The following SLC25A33 variants were observed in gnomAD, a reference collection of about 807,000 sequenced individuals.
SLC25A33 encodes bone marrow stromal cell mitochondrial carrier protein.
Under a neutral mutation model 35.5 loss-of-function variants are expected in SLC25A33, and 15 were observed. The ratio of observed to expected loss-of-function variants is 0.42; its 90% CI spans 0.28 to 0.65. The LOEUF is 0.65. SLC25A33 is among the 30% of genes least tolerant of loss of function. The pLI, the probability that SLC25A33 is intolerant of heterozygous loss-of-function variation, is 0.20. For missense variants in SLC25A33, 257 were observed against 398.5 expected, an observed-to-expected ratio of 0.64 and a Z score of 3.02; for synonymous variants, 136 against 148.7, an observed-to-expected ratio of 0.91 and a Z score of 0.62.
chr1:9,557,274 T>A (rs555560926), intron 2 of SLC25A33, among the ~76,000 whole-genome samples: 2 of 152,228 alleles, frequency 1.3e-5, no homozygotes, highest in Non-Finnish European at 2.9e-5. Context: ...CATCAAAATA[T>A]AAACAATGGC....
At chr1:9,553,601 T>G (rs755313850) in intron 1 of SLC25A33, 25 bp from the exon 2 acceptor site, 12 of 1,611,300 alleles carry the variant, frequency 7.4e-6, no homozygotes, top group Non-Finnish European at 1.0e-5. Context: ...ATAGCTTCTC[T>G]GATCTGCTTT....
At chr1:9,551,229 A>C (rs1643262701) in intron 1 of SLC25A33, among the ~76,000 whole-genome samples, 1 of 151,916 alleles carries the variant, frequency 6.6e-6, no homozygotes, top group African/African-American at 2.4e-5. Context: ...CTAAAAATAC[A>C]AAAAAATACA....
chr1:9,544,119 CA>C (rs1232969531), intron 1 of SLC25A33, among the ~76,000 whole-genome samples: 1 of 151,520 alleles, frequency 6.6e-6, no homozygotes, highest in Non-Finnish European at 1.5e-5. Flanking sequence ...AGAAGAAAAA[CA>C]AAAAACAAAA....
At chr1:9,559,395 G>A (rs1036128156) in intron 2 of SLC25A33, among the ~76,000 whole-genome samples, 1 of 152,072 alleles carries the variant, frequency 6.6e-6, no homozygotes, top group African/African-American at 2.4e-5. Context: ...TGGCATGTCA[G>A]GAAGATATTG....
At chr1:9,547,955 G>A (rs1005434981) in intron 1 of SLC25A33, among the ~76,000 whole-genome samples, 92 of 152,090 alleles carry the variant, frequency 6.0e-4, no homozygotes, top group African/African-American at 2.0e-3. Context: ...AGGCTCAAGC[G>A]ATCCTCCCAC....
rs115170612 is a variant in SLC25A33, at chr1:9,546,709, C to T, written c.57-6917C>T. On this transcript the variant is annotated intron_variant, in intron 1 of 6. Coordinates refer to ENST00000302692, the MANE Select transcript of SLC25A33 (RefSeq NM_032315.3). ...TGACTAGGCTCATTTAGGGGGTGTTCAGTTGCAAGTAATAGAAGATTCAAC... is the reference window on the plus strand; with the variant it reads ...TGACTAGGCTCATTTAGGGGGTGTTTAGTTGCAAGTAATAGAAGATTCAAC... 6.6e-3 allele frequency among the ~76,000 whole-genome samples: 1,009 copies of T among 152,100 alleles called. 8 individuals carry two copies. The highest frequency in any genetic ancestry group is 0.037 in the Middle Eastern group (11 of 294).
rs1643303417 is a variant in SLC25A33 at position 9,553,817 on chromosome 1, CT to C, written c.236+14del. Reference sequence around the variant, plus strand: ...TTTCAGGTTCTGAAGTAAGTTCAGTCTTGTCTGCTCCTGCCACCTGCACACC... The same window carrying C: ...TTTCAGGTTCTGAAGTAAGTTCAGTCTGTCTGCTCCTGCCACCTGCACACC... On this transcript the variant is annotated intron_variant, in intron 2 of 6. Coordinates refer to ENST00000302692, the MANE Select transcript of SLC25A33 (RefSeq NM_032315.3). The C allele has an allele frequency of 6.2e-7, 1 of 1,608,064 alleles. No individual in the cohort carries two copies. Among genetic ancestry groups the C allele is most frequent in the South Asian group, 1.1e-5 (1 of 90,690 alleles).
chr1:9,575,906 C>T (rs1050685941), intron 5 of SLC25A33, among the ~76,000 whole-genome samples: 1 of 152,202 alleles, frequency 6.6e-6, no homozygotes, highest in African/African-American at 2.4e-5. Flanking sequence ...GCTTTTATTG[C>T]TCTGTCTCCC....
intron 2 of SLC25A33, among the ~76,000 whole-genome samples, chr1:9,563,961 T>C (rs1490471954): frequency 6.6e-6 from 1 of 152,132 alleles, no homozygotes; most frequent in Non-Finnish European, 1.5e-5. Flanking sequence ...TCCCAGCCAT[T>C]CTATTAACTT....
At chr1:9,568,067 A>G (rs142520238) in intron 3 of SLC25A33, among the ~76,000 whole-genome samples, 9 of 152,352 alleles carry the variant, frequency 5.9e-5, no homozygotes, top group Non-Finnish European at 8.8e-5. Context: ...TCTTGGATAG[A>G]TAGGATAGAG....
At position 9,581,204 on chromosome 1, in the gene SLC25A33, C is replaced by T. The variant is rs80352564; in HGVS notation, c.763+970C>T. 4.4e-3 allele frequency among the ~76,000 whole-genome samples: 673 copies of T among 152,092 alleles called. 8 individuals carry two copies. The highest frequency in any genetic ancestry group is 0.016 in the African/African-American group (648 of 41,472). ...GAGGTCTGTGTGAGGGCAGGAGTGA[C>T]GAATGTCCAACTCTAGGTGTCTGGG... On this transcript the variant is annotated intron_variant, in intron 6 of 6. Transcript: ENST00000302692.
intron 2 of SLC25A33, among the ~76,000 whole-genome samples, chr1:9,560,258 A>G (rs1643402710): frequency 6.6e-6 from 1 of 151,516 alleles, no homozygotes; most frequent in South Asian, 2.1e-4. Flanking sequence ...TCTCAAAAAA[A>G]AAAAAAAGAG....
At chr1:9,558,810 C>T (rs533885397) in intron 2 of SLC25A33, among the ~76,000 whole-genome samples, 1 of 152,336 alleles carries the variant, frequency 6.6e-6, no homozygotes, top group East Asian at 1.9e-4. Flanking sequence ...GGCTTGAAAG[C>T]TTGCTGCCCT....
At chr1:9,573,497 G>A (rs1433137867) in intron 5 of SLC25A33, 85 bp downstream of exon 5, 3 of 1,062,074 alleles carry the variant, frequency 2.8e-6, no homozygotes, top group Middle Eastern at 2.1e-4. Context: ...CTCTAAGGAT[G>A]AGATATAGAG....
rs372593726 is a variant in SLC25A33 at position 9,544,886 on chromosome 1, T to C, written c.56+5139T>C. 1.1e-4 allele frequency among the ~76,000 whole-genome samples: 17 copies of C among 152,330 alleles called. 1 individual carries two copies. In the South Asian group the frequency reaches 3.5e-3, roughly 32 times the overall value. On this transcript the variant is annotated intron_variant, in intron 1 of 6. Coordinates refer to ENST00000302692, the MANE Select transcript of SLC25A33 (RefSeq NM_032315.3). Reference sequence around the variant, plus strand: ...GAAGACAGTTGGTTTTTACAAATTTTCCTTGATAGTTTAAACTCAGAGTTA... The same window carrying C: ...GAAGACAGTTGGTTTTTACAAATTTCCCTTGATAGTTTAAACTCAGAGTTA...
intron 2 of SLC25A33, among the ~76,000 whole-genome samples, chr1:9,558,345 C>T (rs1316427299): frequency 6.6e-6 from 1 of 152,216 alleles, no homozygotes; most frequent in Non-Finnish European, 1.5e-5. Context: ...AGCCTTACAA[C>T]CTCTGGCTGT....
chr1:9,568,675 C>T (rs991730722), intron 3 of SLC25A33, among the ~76,000 whole-genome samples: 2 of 151,222 alleles, frequency 1.3e-5, no homozygotes, highest in South Asian at 2.1e-4. Context: ...CGCGGTGAAA[C>T]CCCGTCTCTA....
In SLC25A33 at chr1:9,573,329, G is replaced by A; in HGVS notation, c.416-17G>A. The A allele has an allele frequency of 1.6e-6, 2 of 1,229,466 alleles. No individual in the cohort carries two copies. Among genetic ancestry groups the A allele is most frequent in the Non-Finnish European group, 2.3e-6 (2 of 886,590 alleles). 76.2% of individuals were successfully genotyped at this position (1,229,466 alleles called of 1,614,324 possible). ...ACTATGTACAGTGTTGACCTTTACTGTTTTTTTTTTTTCCAGCTTTTATCA... is the reference window on the plus strand; with the variant it reads ...ACTATGTACAGTGTTGACCTTTACTATTTTTTTTTTTTCCAGCTTTTATCA... On this transcript the variant is annotated splice_polypyrimidine_tract_variant and intron_variant, in intron 4 of 6. Transcript: ENST00000302692.
intron 2 of SLC25A33, among the ~76,000 whole-genome samples, chr1:9,557,057 C>G (rs1442043636): frequency 6.6e-6 from 1 of 152,124 alleles, no homozygotes; most frequent in Non-Finnish European, 1.5e-5. Flanking sequence ...CCTCAGCCTC[C>G]CAAGTAGCTG....
Sources: allele counts gnomAD v4.1 joint callset (sites outside exome capture counted in the v4.1 genomes callset), GRCh38; gene constraint gnomAD v4.1.1; transcripts MANE v1.5; gene names NCBI Gene and HGNC (gene_info 2026-07-23, HGNC 2026-07-21).